Variants in KLF12 observed in about 807,000 individuals in gnomAD.
KLF12 encodes KLF transcription factor 12.
A neutral mutation model predicts 37.8 loss-of-function variants in KLF12; 9 were observed. The ratio of observed to expected loss-of-function variants is 0.24; its 90% CI spans 0.14 to 0.42. KLF12 has a LOEUF of 0.42. KLF12 is among the 10% of genes least tolerant of loss of function. KLF12 has a pLI of 1.00. For missense variants in KLF12, 411 were observed against 516.0 expected, an observed-to-expected ratio of 0.80 and a Z score of 1.97; for synonymous variants, 208 against 202.1, an observed-to-expected ratio of 1.03 and a Z score of -0.25.
intron 3 of KLF12, among the ~76,000 whole-genome samples, chr13:73,903,524 T>G (rs146736593): frequency 6.6e-6 from 1 of 152,364 alleles, no homozygotes; most frequent in African/African-American, 2.4e-5. Context: ...AAGAATAGAA[T>G]TGTATACTTA....
At chr13:74,289,983 A>C in the KLF12 span, among the ~76,000 whole-genome samples, 1 of 152,188 alleles carries the variant, frequency 6.6e-6, no homozygotes, top group Non-Finnish European at 1.5e-5. Context: ...ATATTATATA[A>C]CAGTAACAGG....
chr13:73,772,660 T>C (rs1880346580), intron 5 of KLF12, among the ~76,000 whole-genome samples: 1 of 152,184 alleles, frequency 6.6e-6, no homozygotes, highest in Non-Finnish European at 1.5e-5. Context: ...AGGTGTCGTG[T>C]GTTGTGGTAA....
In KLF12 at chr13:73,952,698, G is replaced by A. The variant is rs115096571; in HGVS notation, c.34-8628C>T. The stretch of plus-strand genomic sequence containing the variant: ...GCTCCCTGCCTTAAGACAGCTTGAC[G>A]TAAAAGGGGAAGAAAAGTGTATGGG... On this transcript the variant is annotated intron_variant, in intron 2 of 7. Coordinates refer to ENST00000377669, the MANE Select transcript of KLF12 (RefSeq NM_007249.5). Among the ~76,000 whole-genome samples, 764 of 152,344 alleles carry A rather than the reference G, an allele frequency of 5.0e-3. 6 individuals carry two copies. Among genetic ancestry groups the A allele is most frequent in the African/African-American group, 0.017 (704 of 41,580 alleles).
At chr13:74,248,766 G>A in the KLF12 span, among the ~76,000 whole-genome samples, 1 of 152,162 alleles carries the variant, frequency 6.6e-6, no homozygotes, top group Non-Finnish European at 1.5e-5. Flanking sequence ...AGGAAGTGGA[G>A]CATTGGGTTT....
chr13:74,090,499 C>T (rs1340263103), intron 1 of KLF12, among the ~76,000 whole-genome samples: 1 of 152,126 alleles, frequency 6.6e-6, no homozygotes, highest in African/African-American at 2.4e-5. Context: ...TAACTGACTT[C>T]TCTATCAAAA....
chr13:73,758,199 C>T (rs773599491), intron 6 of KLF12, among the ~76,000 whole-genome samples: 5 of 152,070 alleles, frequency 3.3e-5, no homozygotes, highest in Non-Finnish European at 5.9e-5. Flanking sequence ...CTGCACCCAG[C>T]TATTTTAAAG....
At chr13:73,828,516 T>C (rs538767480) in intron 4 of KLF12, among the ~76,000 whole-genome samples, 1 of 152,290 alleles carries the variant, frequency 6.6e-6, no homozygotes, top group African/African-American at 2.4e-5. Flanking sequence ...ATCTTTTCCT[T>C]TATCCTTGAC....
intron 3 of KLF12, among the ~76,000 whole-genome samples, chr13:73,942,948 A>G (rs1890254273): frequency 6.6e-6 from 1 of 152,168 alleles, no homozygotes; most frequent in African/African-American, 2.4e-5. Context: ...CCCTCTAAAT[A>G]CTACCATCTG....
At chr13:74,241,916 C>T in the KLF12 span, among the ~76,000 whole-genome samples, 16 of 152,346 alleles carry the variant, frequency 1.1e-4, no homozygotes, top group East Asian at 3.1e-3. Context: ...GCGTCGCTCA[C>T]GCTTGGAGCT....
intron 6 of KLF12, among the ~76,000 whole-genome samples, chr13:73,744,003 C>T (rs1368207635): frequency 6.6e-6 from 1 of 152,144 alleles, no homozygotes; most frequent in African/African-American, 2.4e-5. Context: ...ACTTTAGTGA[C>T]CTCTCCTATT....
At chr13:73,974,367 G>A (rs1891445690) in intron 2 of KLF12, among the ~76,000 whole-genome samples, 1 of 151,780 alleles carries the variant, frequency 6.6e-6, no homozygotes, top group Non-Finnish European at 1.5e-5. Context: ...ACTTATGTGG[G>A]GGAACAAAGA....
At chr13:74,072,364 A>AATATATATATATATATATAT (rs773653636) in intron 1 of KLF12, among the ~76,000 whole-genome samples, 15 of 63,060 alleles carry the variant, frequency 2.4e-4, no homozygotes, top group East Asian at 1.1e-3. Flanking sequence ...AAGAAATACA[A>AATATATATATATATATATAT]ATATATATAT....
intron 5 of KLF12, among the ~76,000 whole-genome samples, chr13:73,791,638 ATT>A (rs1424190817): frequency 6.6e-6 from 1 of 151,696 alleles, no homozygotes; most frequent in Non-Finnish European, 1.5e-5. Context: ...TACTTGCATT[ATT>A]TTTTCCTGTA....
the KLF12 span, among the ~76,000 whole-genome samples, chr13:74,221,704 A>G: frequency 2.0e-5 from 3 of 152,118 alleles, no homozygotes; most frequent in Non-Finnish European, 2.9e-5. Context: ...TTCCTTTTAT[A>G]TTTAAGTGGA....
chr13:73,869,803 A>T (rs1365253267), intron 3 of KLF12, among the ~76,000 whole-genome samples: 1 of 152,068 alleles, frequency 6.6e-6, no homozygotes. Flanking sequence ...ATTTCCTCTT[A>T]AGTAAATTTG....
chr13:74,002,118 A>C (rs1892296234), intron 1 of KLF12, among the ~76,000 whole-genome samples: 1 of 152,234 alleles, frequency 6.6e-6, no homozygotes, highest in Non-Finnish European at 1.5e-5. Flanking sequence ...TGCCTTACTG[A>C]ACAATAGCTC....
intron 3 of KLF12, among the ~76,000 whole-genome samples, chr13:73,856,815 C>T (rs996375965): frequency 1.3e-5 from 2 of 151,848 alleles, no homozygotes; most frequent in African/African-American, 2.4e-5. Context: ...ATGGTGAAAC[C>T]GTCTCTACTA....
intron 3 of KLF12, among the ~76,000 whole-genome samples, chr13:73,855,898 T>C (rs1885585788): frequency 1.3e-5 from 2 of 152,226 alleles, no homozygotes. Flanking sequence ...TACATTCACA[T>C]AAACCAACAC....
chr13:74,180,086 G>A, the KLF12 span, among the ~76,000 whole-genome samples: 2 of 152,142 alleles, frequency 1.3e-5, no homozygotes, highest in African/African-American at 2.4e-5. Context: ...ACATTCCTTG[G>A]CTGTTTTAAG....
Sources: allele counts gnomAD v4.1 joint callset (sites outside exome capture counted in the v4.1 genomes callset), GRCh38; gene constraint gnomAD v4.1.1; transcripts MANE v1.5; gene names NCBI Gene and HGNC (gene_info 2026-07-23, HGNC 2026-07-21).